Variants in TPD52L1 observed in about 807,000 individuals in gnomAD.
TPD52L1 encodes the protein tumor protein D53.
In TPD52L1, 18 loss-of-function variants were observed where a neutral mutation model predicts 28.7. That is an observed-to-expected ratio of 0.63 (90% CI 0.43 to 0.93). TPD52L1 has a LOEUF of 0.93. Among genes scored for constraint, TPD52L1 ranks in the 40% least tolerant of loss-of-function variants. The pLI, the probability that TPD52L1 is intolerant of heterozygous loss-of-function variation, is 0.00. For synonymous variants in TPD52L1, 75 were observed against 88.8 expected (o/e 0.84, Z 0.88); for missense variants, 203 against 254.8 (o/e 0.80, Z 1.39).
At chr6:125,184,093 A>G (rs1001899942) in intron 1 of TPD52L1, among the ~76,000 whole-genome samples, 3 of 152,200 alleles carry the variant, frequency 2.0e-5, no homozygotes, top group African/African-American at 7.2e-5. Flanking sequence ...CCTCAGAACC[A>G]TTGCACAGCT....
intron 1 of TPD52L1, among the ~76,000 whole-genome samples, chr6:125,191,656 T>C (rs1467256185): frequency 6.6e-6 from 1 of 152,132 alleles, no homozygotes; most frequent in Non-Finnish European, 1.5e-5. Context: ...ATTCTGAGTG[T>C]AAGACCAAAT....
chr6:125,157,805 A>T (rs540658), intron 1 of TPD52L1, among the ~76,000 whole-genome samples: 44,931 of 120,080 alleles, frequency 0.37, 6,773 homozygotes, highest in African/African-American at 0.51. Flanking sequence ...TAGTTTCTCA[A>T]GGCCACTGTA....
chr6:125,233,395 G>A (rs1034828789), intron 3 of TPD52L1, among the ~76,000 whole-genome samples: 2 of 152,058 alleles, frequency 1.3e-5, no homozygotes, highest in Non-Finnish European at 2.9e-5. Flanking sequence ...TTTTTATGAG[G>A]GAGCCTGGTT....
rs57847580 is a variant in TPD52L1 at position 125,227,848 on chromosome 6, T to C, written c.136-1270T>C. Among the ~76,000 whole-genome samples, 1,089 of 152,312 alleles carry C rather than the reference T, an allele frequency of 7.1e-3. 12 individuals are homozygous for C. The highest frequency in any genetic ancestry group is 0.025 in the African/African-American group (1,051 of 41,578). On this transcript the variant is annotated intron_variant, in intron 2 of 6. Coordinates refer to ENST00000534000, the MANE Select transcript of TPD52L1 (RefSeq NM_003287.4). ...TTAGAAATTGCATTTGCAAGAGCAA[T>C]TTTATAGTGCTGAAGAGATCTGCTT...
In TPD52L1 at chr6:125,188,505, G is replaced by C. The variant is rs973707926; in HGVS notation, c.20-31573G>C. Among the ~76,000 whole-genome samples the C allele has an allele frequency of 5.7e-4, 86 of 152,106 alleles. 1 individual carries two copies. Among genetic ancestry groups the C allele is most frequent in the Non-Finnish European group, 1.5e-5 (1 of 68,018 alleles). ...TTCAGACTTCTCAAAAACTGACACA[G>C]GGTAACAAATACATTTTATATCACA... On this transcript the variant is annotated intron_variant, in intron 1 of 6. Transcript: ENST00000534000.
intron 3 of TPD52L1, among the ~76,000 whole-genome samples, chr6:125,232,513 G>A (rs989199226): frequency 6.6e-6 from 1 of 152,072 alleles, no homozygotes; most frequent in Non-Finnish European, 1.5e-5. Context: ...GCTATGATCA[G>A]GTTAGGTTAG....
Position 125,220,068 on chromosome 6 carries a change from C to T in TPD52L1, c.20-10C>T, listed in dbSNP as rs1391909453. On this transcript the variant is annotated splice_polypyrimidine_tract_variant and intron_variant, in intron 1 of 6. Transcript: ENST00000534000. ...AAAATTGCCTTCTGTTTTATCAATT[C>T]TGCCTAAAGGTTTGTTGGAGACTGA... 1.2e-6 allele frequency: 2 copies of T among 1,602,160 alleles called. No homozygotes were observed. The highest frequency in any genetic ancestry group is 1.3e-5 in the African/African-American group (1 of 74,622).
chr6:125,258,320 C>A lies in TPD52L1; in HGVS notation c.486+1162C>A, dbSNP rs540076122. Among the ~76,000 whole-genome samples, 5 of 152,314 alleles carry A rather than the reference C, an allele frequency of 3.3e-5. No homozygotes were observed. The East Asian group carries it at 5.8e-4, about 18-fold the overall frequency. On this transcript the variant is annotated intron_variant, in intron 6 of 6. Coordinates refer to ENST00000534000, the MANE Select transcript of TPD52L1 (RefSeq NM_003287.4). ...GCAGTTTCACCGCTCTGCATGCCAA[C>A]ATCATCGCTTATTGAGCGTACAGGA...
intron 1 of TPD52L1, among the ~76,000 whole-genome samples, chr6:125,174,091 G>A (rs1303901682): frequency 6.6e-6 from 1 of 152,198 alleles, no homozygotes; most frequent in Non-Finnish European, 1.5e-5. Context: ...GCCCTCGATG[G>A]ATCTTGTGAT....
intron 1 of TPD52L1, among the ~76,000 whole-genome samples, chr6:125,217,943 A>G (rs988360500): frequency 6.6e-6 from 1 of 152,132 alleles, no homozygotes; most frequent in Non-Finnish European, 1.5e-5. Flanking sequence ...GCTATTGTCC[A>G]GTCTTTATCA....
At chr6:125,177,228 G>C (rs751862925) in intron 1 of TPD52L1, among the ~76,000 whole-genome samples, 1 of 151,964 alleles carries the variant, frequency 6.6e-6, no homozygotes, top group South Asian at 2.1e-4. Flanking sequence ...TTCCAAACCC[G>C]TTTTCTACGT....
At chr6:125,172,550 A>G (rs1426389567) in intron 1 of TPD52L1, among the ~76,000 whole-genome samples, 3 of 90,872 alleles carry the variant, frequency 3.3e-5, no homozygotes, top group Non-Finnish European at 4.0e-5. Flanking sequence ...ATATATATAT[A>G]TAATATATAT....
intron 4 of TPD52L1, among the ~76,000 whole-genome samples, chr6:125,251,597 G>A (rs1797267682): frequency 6.6e-6 from 1 of 152,120 alleles, no homozygotes; most frequent in Non-Finnish European, 1.5e-5. Flanking sequence ...AAATAACATT[G>A]TTAATACCCA....
chr6:125,212,477 G>A (rs772213269), intron 1 of TPD52L1, among the ~76,000 whole-genome samples: 1 of 152,188 alleles, frequency 6.6e-6, no homozygotes, highest in Non-Finnish European at 1.5e-5. Context: ...TCATGGCCAT[G>A]AAGCCACCAC....
chr6:125,194,357 G>T (rs1793273225), intron 1 of TPD52L1, among the ~76,000 whole-genome samples: 1 of 152,102 alleles, frequency 6.6e-6, no homozygotes, highest in African/African-American at 2.4e-5. Flanking sequence ...GGTCATTCAT[G>T]AAATACATCG....
At chr6:125,216,745 G>A (rs932557944) in intron 1 of TPD52L1, among the ~76,000 whole-genome samples, 21 of 151,786 alleles carry the variant, frequency 1.4e-4, no homozygotes, top group African/African-American at 4.8e-4. Flanking sequence ...ATTGAAACTG[G>A]CTTCTGGCAT....
At chr6:125,207,767 T>A (rs1318510148) in intron 1 of TPD52L1, among the ~76,000 whole-genome samples, 1 of 152,224 alleles carries the variant, frequency 6.6e-6, no homozygotes, top group Non-Finnish European at 1.5e-5. Flanking sequence ...TCATGCTATT[T>A]GCTGTGCCAT....
chr6:125,194,489 A>G (rs1317260064), intron 1 of TPD52L1, among the ~76,000 whole-genome samples: 2 of 152,110 alleles, frequency 1.3e-5, no homozygotes, highest in Non-Finnish European at 2.9e-5. Context: ...AACGTCCTCT[A>G]TGATCTGGAC....
At chr6:125,181,264 T>C (rs1378079483) in intron 1 of TPD52L1, among the ~76,000 whole-genome samples, 1 of 152,194 alleles carries the variant, frequency 6.6e-6, no homozygotes, top group Non-Finnish European at 1.5e-5. Context: ...AAATTCAGGA[T>C]GACTAAGAGG....
Sources: allele counts gnomAD v4.1 joint callset (sites outside exome capture counted in the v4.1 genomes callset), GRCh38; gene constraint gnomAD v4.1.1; transcripts MANE v1.5; gene names NCBI Gene and HGNC (gene_info 2026-07-23, HGNC 2026-07-21).